The following CACNB2 variants were observed in gnomAD, a reference collection of about 807,000 sequenced individuals.
The protein encoded by CACNB2 is voltage-dependent L-type calcium channel subunit beta-2.
In CACNB2, 42 loss-of-function variants were observed where a neutral mutation model predicts 73.3. The ratio of observed to expected loss-of-function variants is 0.57; its 90% CI spans 0.45 to 0.74. CACNB2 has a LOEUF of 0.74. CACNB2 is among the 30% of genes least tolerant of loss of function. The pLI is 0.00. For missense variants in CACNB2, 940 were observed against 853.0 expected (o/e 1.10, Z -1.27); for synonymous variants, 348 against 310.3 (o/e 1.12, Z -1.28).
chr10:18,449,368 G>C (rs1023181556), intron 3 of CACNB2, among the ~76,000 whole-genome samples: 1 of 152,156 alleles, frequency 6.6e-6, no homozygotes, highest in South Asian at 2.1e-4. Flanking sequence ...CTGGGCGACA[G>C]AGCGAGACTC....
chr10:18,185,525 G>C (rs1186742473), intron 2 of CACNB2, among the ~76,000 whole-genome samples: 1 of 152,196 alleles, frequency 6.6e-6, no homozygotes, highest in Non-Finnish European at 1.5e-5. Flanking sequence ...TGAAAGGAAT[G>C]AATTTGTTCT....
intron 3 of CACNB2, among the ~76,000 whole-genome samples, chr10:18,456,084 A>G (rs980991283): frequency 6.6e-6 from 1 of 152,138 alleles, no homozygotes. Context: ...GTTGTTGTCA[A>G]TTATTCTTCT....
intron 2 of CACNB2, among the ~76,000 whole-genome samples, chr10:18,331,046 C>T (rs1429602792): frequency 2.7e-5 from 4 of 150,768 alleles, no homozygotes; most frequent in Admixed American, 6.6e-5. Context: ...AGTGCAATGG[C>T]GCGATCTTGG....
intron 2 of CACNB2, among the ~76,000 whole-genome samples, chr10:18,372,137 C>G (rs2042613459): frequency 6.6e-6 from 1 of 151,926 alleles, no homozygotes; most frequent in South Asian, 2.1e-4. Flanking sequence ...CAAAAATTTT[C>G]TCCCATTCTG....
intron 2 of CACNB2, chr10:18,261,161 C>G: frequency 1.3e-6 from 2 of 1,544,958 alleles, no homozygotes; most frequent in Non-Finnish European, 1.7e-6. Flanking sequence ...GCTCATGCCT[C>G]TTACCTGGGA....
chr10:18,415,207 G>C (rs998229), intron 3 of CACNB2, among the ~76,000 whole-genome samples: 1 of 152,036 alleles, frequency 6.6e-6, no homozygotes, highest in Non-Finnish European at 1.5e-5. Context: ...GCTCATGCCT[G>C]TAATCTCAGC....
chr10:18,353,715 G>C (rs547973935), intron 2 of CACNB2, among the ~76,000 whole-genome samples: 44 of 152,270 alleles, frequency 2.9e-4, no homozygotes, highest in African/African-American at 1.1e-3. Flanking sequence ...AATCCAATTT[G>C]AGAGTATAAA....
rs757792853 is a variant in CACNB2, at chr10:18,380,452, CT to C, written c.214-21452del. Among the ~76,000 whole-genome samples the C allele has an allele frequency of 4.1e-3, 451 of 111,034 alleles. 3 individuals are homozygous for C. The highest frequency in any genetic ancestry group is 6.3e-3 in the Non-Finnish European group (354 of 56,146). 72.8% of individuals were successfully genotyped at this position (111,034 alleles called of 152,430 possible). A position where few individuals can be genotyped will look rare whatever the true frequency, so the allele number is the denominator to read the frequency against. ...TTGCTAACTTGAAACATGTGTTTTT[CT>C]TTTTTTTTTTTTTTTTTTTGAGATG... On this transcript the variant is annotated intron_variant, in intron 2 of 13. Transcript: ENST00000324631.
intron 3 of CACNB2, among the ~76,000 whole-genome samples, chr10:18,440,236 A>G (rs1226528932): frequency 1.3e-5 from 2 of 152,274 alleles, no homozygotes; most frequent in East Asian, 3.9e-4. Context: ...CTCATGACCT[A>G]ACTACCTTGT....
chr10:18,535,059 A>G (rs2133291656), intron 11 of CACNB2, among the ~76,000 whole-genome samples: 1 of 152,338 alleles, frequency 6.6e-6, no homozygotes, highest in South Asian at 2.1e-4. Flanking sequence ...ATCAATGGTA[A>G]TATTAATGAA....
intron 10 of CACNB2, among the ~76,000 whole-genome samples, chr10:18,532,675 TCAAAAAAAAAAAAAAAAAAAA>T (rs1165608063): frequency 4.3e-5 from 2 of 46,490 alleles, no homozygotes; most frequent in African/African-American, 1.6e-4. Flanking sequence ...AGACTCTGTC[TCAAAAAAAAAAAAAAAAAAAA>T]CAAAACAAAA....
chr10:18,295,817 A>G (rs926526317), intron 2 of CACNB2, among the ~76,000 whole-genome samples: 4 of 152,144 alleles, frequency 2.6e-5, no homozygotes, highest in African/African-American at 7.2e-5. Context: ...GAAATTGGCT[A>G]AAAGACTAAC....
intron 1 of CACNB2, among the ~76,000 whole-genome samples, chr10:18,146,433 CTG>C: frequency 1.3e-5 from 2 of 151,632 alleles, no homozygotes; most frequent in Non-Finnish European, 2.9e-5. Flanking sequence ...CCTCAGCCTC[CTG>C]AGTAGCTGGG....
At chr10:18,307,479 T>C (rs184460097) in intron 2 of CACNB2, among the ~76,000 whole-genome samples, 1 of 152,296 alleles carries the variant, frequency 6.6e-6, no homozygotes, top group Admixed American at 6.5e-5. Context: ...TAAATATAAA[T>C]GCGATGCTTT....
chr10:18,437,266 A>T (rs1158530744), intron 3 of CACNB2, among the ~76,000 whole-genome samples: 1 of 152,176 alleles, frequency 6.6e-6, no homozygotes, highest in African/African-American at 2.4e-5. Context: ...AGGATTTTTT[A>T]AAAATTAAAT....
intron 2 of CACNB2, among the ~76,000 whole-genome samples, chr10:18,157,823 C>T (rs748718801): frequency 3.9e-5 from 6 of 152,204 alleles, no homozygotes; most frequent in Admixed American, 6.5e-5. Flanking sequence ...ACGACAAATA[C>T]ATAGAAAGAT....
At chr10:18,536,220 T>A in intron 12 of CACNB2, 24 bp downstream of exon 12, 2 of 749,394 alleles carry the variant, frequency 2.7e-6, no homozygotes, top group Non-Finnish European at 4.6e-6. Flanking sequence ...ATATACAGCA[T>A]AATCCAGTTA....
At chr10:18,490,625 A>G (rs928904865) in intron 3 of CACNB2, among the ~76,000 whole-genome samples, 2 of 152,188 alleles carry the variant, frequency 1.3e-5, no homozygotes, top group Non-Finnish European at 2.9e-5. Flanking sequence ...ATGAAGGACC[A>G]TATTGTCTCC....
At chr10:18,359,311 A>G (rs1388434256) in intron 2 of CACNB2, among the ~76,000 whole-genome samples, 3 of 152,088 alleles carry the variant, frequency 2.0e-5, no homozygotes, top group Admixed American at 2.0e-4. Flanking sequence ...TCCTTCTGTC[A>G]CCCAGGCTAG....
Sources: gnomAD v4.1 joint callset for allele counts (sites outside exome capture counted in the v4.1 genomes callset) on GRCh38, gnomAD v4.1.1 for gene constraint, MANE v1.5 for transcripts, NCBI Gene and HGNC (gene_info 2026-07-23, HGNC 2026-07-21) for gene names.